The following GRIK2 variants were observed in gnomAD, a reference collection of about 807,000 sequenced individuals.
GRIK2 encodes glutamate ionotropic receptor kainate type subunit 2.
Under a neutral mutation model 100.3 loss-of-function variants are expected in GRIK2, and 32 were observed. That is an observed-to-expected ratio of 0.32 (90% confidence interval 0.24 to 0.43). The LOEUF is 0.43. Among genes scored for constraint, GRIK2 ranks in the 20% least tolerant of loss-of-function variants. GRIK2 has a pLI of 1.00. For missense variants in GRIK2, 843 were observed against 1,114.9 expected (o/e 0.76, Z 3.47); for synonymous variants, 417 against 389.4 (o/e 1.07, Z -0.83).
chr6:101,428,011 C>A (rs371603177), intron 2 of GRIK2, among the ~76,000 whole-genome samples: 6 of 152,162 alleles, frequency 3.9e-5, no homozygotes, highest in African/African-American at 1.4e-4. Context: ...CTGGAGTCAT[C>A]TTTTGCTTAA....
At chr6:102,012,317 T>C (rs1795591228) in intron 14 of GRIK2, among the ~76,000 whole-genome samples, 1 of 152,144 alleles carries the variant, frequency 6.6e-6, no homozygotes. Context: ...TTTATTTGAA[T>C]TGAGTATTAT....
intron 10 of GRIK2, among the ~76,000 whole-genome samples, chr6:101,833,647 A>G (rs906627420): frequency 6.6e-6 from 1 of 152,158 alleles, no homozygotes; most frequent in African/African-American, 2.4e-5. Flanking sequence ...GATAATCTAC[A>G]GAGATTGTCA....
At chr6:101,442,436 TGC>T (rs1770122223) in intron 2 of GRIK2, among the ~76,000 whole-genome samples, 5 of 139,290 alleles carry the variant, frequency 3.6e-5, no homozygotes, top group Non-Finnish European at 6.4e-5. Context: ...TGCCAGTCAG[TGC>T]GCCGGCTGGT....
intron 12 of GRIK2, among the ~76,000 whole-genome samples, chr6:101,918,948 G>C (rs1789316537): frequency 6.6e-6 from 1 of 151,556 alleles, no homozygotes; most frequent in Non-Finnish European, 1.5e-5. Context: ...AAACACTATG[G>C]AATTTCAGAA....
intron 14 of GRIK2, among the ~76,000 whole-genome samples, chr6:101,976,114 T>G (rs770945773): frequency 8.6e-5 from 13 of 151,710 alleles, no homozygotes; most frequent in Non-Finnish European, 1.5e-4. Context: ...GGTAGCAAGA[T>G]CCGACATTTC....
At chr6:101,645,825 G>A (rs913450310) in intron 4 of GRIK2, among the ~76,000 whole-genome samples, 1 of 151,838 alleles carries the variant, frequency 6.6e-6, no homozygotes, top group Non-Finnish European at 1.5e-5. Context: ...ATTTTAAGAT[G>A]CATCAGTGCA....
chr6:101,553,275 CAATT>C (rs1308123095), intron 2 of GRIK2, among the ~76,000 whole-genome samples: 2 of 151,974 alleles, frequency 1.3e-5, no homozygotes, highest in African/African-American at 2.4e-5. Flanking sequence ...TCAGCATTCT[CAATT>C]AAAAGGTTAG....
chr6:101,916,384 G>T (rs1789104704), intron 12 of GRIK2, among the ~76,000 whole-genome samples: 1 of 151,344 alleles, frequency 6.6e-6, no homozygotes, highest in Non-Finnish European at 1.5e-5. Flanking sequence ...TGCATGATTT[G>T]GTTCTACATA....
chr6:101,783,137 C>T (rs987128870), intron 7 of GRIK2, among the ~76,000 whole-genome samples: 8 of 152,014 alleles, frequency 5.3e-5, no homozygotes, highest in East Asian at 1.9e-4. Flanking sequence ...GGATTACAGG[C>T]GTGAGGCAGT....
At chr6:102,037,472 A>G (rs1056972959) in intron 15 of GRIK2, among the ~76,000 whole-genome samples, 1 of 151,316 alleles carries the variant, frequency 6.6e-6, no homozygotes, top group African/African-American at 2.4e-5. Context: ...CATGTTTTAG[A>G]CTTCCCAGTG....
intron 2 of GRIK2, among the ~76,000 whole-genome samples, chr6:101,535,535 T>G (rs2128286330): frequency 6.6e-6 from 1 of 151,854 alleles, no homozygotes; most frequent in Non-Finnish European, 1.5e-5. Context: ...ATTTTTTAAT[T>G]AAAGTGGTAA....
At chr6:101,843,077 A>G (rs747611522) in intron 10 of GRIK2, among the ~76,000 whole-genome samples, 1 of 152,190 alleles carries the variant, frequency 6.6e-6, no homozygotes, top group Non-Finnish European at 1.5e-5. Context: ...TCTTTCTTTC[A>G]TACATTCAAA....
chr6:101,808,404 A>G (rs1165457072), intron 9 of GRIK2, among the ~76,000 whole-genome samples: 1 of 152,092 alleles, frequency 6.6e-6, no homozygotes, highest in South Asian at 2.1e-4. Flanking sequence ...ATCTTAACTC[A>G]TGATTGAATT....
At chr6:101,508,520 A>G (rs1247799347) in intron 2 of GRIK2, among the ~76,000 whole-genome samples, 1 of 152,036 alleles carries the variant, frequency 6.6e-6, no homozygotes, top group Non-Finnish European at 1.5e-5. Context: ...ATTTTGTCTA[A>G]TTTCTCTTTG....
chr6:101,825,035 C>G (rs1339142701), intron 10 of GRIK2, among the ~76,000 whole-genome samples: 2 of 152,160 alleles, frequency 1.3e-5, no homozygotes, highest in South Asian at 4.1e-4. Context: ...CTCGTCTTTC[C>G]ATTGTGGTAG....
At chr6:101,679,110 A>G (rs970333217) in intron 5 of GRIK2, among the ~76,000 whole-genome samples, 5 of 152,230 alleles carry the variant, frequency 3.3e-5, no homozygotes, top group Non-Finnish European at 5.9e-5. Context: ...TCACAGGGAA[A>G]AAATAGTAAT....
Position 101,795,652 on chromosome 6 carries a change from C to G in GRIK2, c.952-3996C>G, listed in dbSNP as rs376028666. Among the ~76,000 whole-genome samples the G allele has an allele frequency of 7.2e-5, 11 of 152,324 alleles. No homozygotes were observed. The East Asian group carries it at 1.9e-3, about 27-fold the overall frequency. On this transcript the variant is annotated intron_variant, in intron 7 of 16. Coordinates refer to ENST00000369134, the MANE Select transcript of GRIK2 (RefSeq NM_021956.5). Reference sequence around the variant, plus strand: ...CCCTTGGACTCTCAGGCATCACATACTGGTGTTTGCAGTGCCTGCAACAGG... The same window carrying G: ...CCCTTGGACTCTCAGGCATCACATAGTGGTGTTTGCAGTGCCTGCAACAGG...
At chr6:101,607,042 A>G (rs532854566) in intron 2 of GRIK2, among the ~76,000 whole-genome samples, 3 of 152,128 alleles carry the variant, frequency 2.0e-5, no homozygotes, top group African/African-American at 7.2e-5. Flanking sequence ...ATAAATATGC[A>G]TGACATCCTA....
chr6:101,485,929 T>G (rs1428118766), intron 2 of GRIK2, among the ~76,000 whole-genome samples: 1 of 150,750 alleles, frequency 6.6e-6, no homozygotes, highest in Non-Finnish European at 1.5e-5. Flanking sequence ...TTTTTTTTTT[T>G]AGTAAAACAG....
Sources: allele counts gnomAD v4.1 joint callset (sites outside exome capture counted in the v4.1 genomes callset), GRCh38; gene constraint gnomAD v4.1.1; transcripts MANE v1.5; gene names NCBI Gene and HGNC (gene_info 2026-07-23, HGNC 2026-07-21).